Variants in RAB11FIP1 observed in about 807,000 individuals in gnomAD.
The protein encoded by RAB11FIP1 is rab11 family-interacting protein 1.
Under a neutral mutation model 83.1 loss-of-function variants are expected in RAB11FIP1, and 49 were observed. That is an observed-to-expected ratio of 0.59 (90% confidence interval 0.47 to 0.75). The LOEUF is 0.75. Ranked by LOEUF, RAB11FIP1 falls within the 30% of genes least tolerant of loss-of-function variation. The pLI is 0.00. For missense variants in RAB11FIP1, 1,536 were observed against 1,598.7 expected, an observed-to-expected ratio of 0.96 and a Z score of 0.67; for synonymous variants, 670 against 656.0, an observed-to-expected ratio of 1.02 and a Z score of -0.33.
At chr8:37,878,662 T>TA (rs1806671430) in intron 1 of RAB11FIP1, among the ~76,000 whole-genome samples, 1 of 119,892 alleles carries the variant, frequency 8.3e-6, no homozygotes, top group Non-Finnish European at 1.7e-5. Flanking sequence ...TGCCAGGGAG[T>TA]AAAAAAATAA....
chr8:37,894,725 T>TATATATACATATATATATAC (rs1807026794), intron 1 of RAB11FIP1, among the ~76,000 whole-genome samples: 1 of 143,542 alleles, frequency 7.0e-6, no homozygotes, highest in Non-Finnish European at 1.5e-5. Flanking sequence ...TATATATACA[T>TATATATACATATATATATAC]ATATATATAT....
Position 37,874,788 on chromosome 8 carries a change from C to T in RAB11FIP1, c.1349G>A (p.Ser450Asn), listed in dbSNP as rs2130152336. The T allele has an allele frequency of 6.2e-7, 1 of 1,614,190 alleles. No individual in the cohort carries two copies. The highest frequency in any genetic ancestry group is 2.2e-5 in the East Asian group (1 of 44,886). The change falls in exon 3 of 6, where the codon AGT becomes AAT. Residue 450 changes from serine (S) to asparagine (N), a missense_variant. Transcript: ENST00000330843. ...GACCGTGAGAGGGTTTTCACCTTCA[C>T]TGCCCTTAGCCACATCCTTCTTCCC... ...MTGKKDVAKG[S>N]EGENPLTVPG...
chr8:37,864,106 G>T (rs895407745), intron 5 of RAB11FIP1, among the ~76,000 whole-genome samples: 2 of 152,224 alleles, frequency 1.3e-5, no homozygotes, highest in Non-Finnish European at 1.5e-5. Context: ...TGCGGAGTCA[G>T]AGCCAGGTGC....
chr8:37,879,144 C>T (rs1051776880), intron 1 of RAB11FIP1, among the ~76,000 whole-genome samples: 2 of 151,994 alleles, frequency 1.3e-5, no homozygotes, highest in African/African-American at 4.8e-5. Flanking sequence ...CCCGTCTCTA[C>T]TAAAAATACA....
In RAB11FIP1 at chr8:37,862,795, C is replaced by T. The variant is rs1412989176; in HGVS notation, c.*100G>A. 8.2e-6 allele frequency: 7 copies of T among 855,396 alleles called. No individual in the cohort carries two copies. The highest frequency in any genetic ancestry group is 4.8e-5 in the South Asian group (3 of 61,894). 53.0% of individuals were successfully genotyped at this position (855,396 alleles called of 1,614,324 possible). A position where few individuals can be genotyped will look rare whatever the true frequency, so the allele number is the denominator to read the frequency against. On this transcript the variant is annotated 3_prime_UTR_variant, in exon 6 of 6. Transcript: ENST00000330843. ...ATAACATGTGAGGGAGATGGTGATTCGGAGCCTGCTGGCTGGTTATCAGGC... is the reference window on the plus strand; with the variant it reads ...ATAACATGTGAGGGAGATGGTGATTTGGAGCCTGCTGGCTGGTTATCAGGC...
intron 5 of RAB11FIP1, among the ~76,000 whole-genome samples, chr8:37,869,832 G>T (rs1186374090): frequency 6.6e-6 from 1 of 152,150 alleles, no homozygotes; most frequent in African/African-American, 2.4e-5. Flanking sequence ...AGAACTGGGA[G>T]GAAGGGTTTG....
chr8:37,871,821 A>G lies in RAB11FIP1; in HGVS notation c.2981T>C (p.Leu994Pro), dbSNP rs1157049676. 1.2e-6 allele frequency: 2 copies of G among 1,614,174 alleles called. No individual in the cohort carries two copies. The highest frequency in any genetic ancestry group is 1.7e-6 in the Non-Finnish European group (2 of 1,180,022). Residue 994 changes from leucine to proline, a missense_variant, in exon 4 of 6, where the codon CTG becomes CCG. Transcript: ENST00000330843. ...DDGETAKSST[L>P]DIGALSLGLV... is the part of the protein sequence containing the mutation. Reference sequence around the variant, plus strand: ...GCCCAAGGACAAAGCTCCTATGTCCAGAGTTGACGACTTTGCTGTCTCTCC... The same window carrying G: ...GCCCAAGGACAAAGCTCCTATGTCCGGAGTTGACGACTTTGCTGTCTCTCC...
chr8:37,874,687 C>T lies in RAB11FIP1; in HGVS notation c.1450G>A (p.Val484Met), dbSNP rs1342195490. The change falls in exon 3 of 6, where the codon GTG (valine) becomes ATG (methionine). Residue 484 changes from valine to methionine, a missense_variant. Transcript: ENST00000330843. Reference protein sequence around the residue: ...EDASGPAEDLVRRSEKDTAAV... With the variant: ...EDASGPAEDLMRRSEKDTAAV... The stretch of plus-strand genomic sequence containing the variant: ...GCAGTATCTTTCTCAGATCTTCTCA[C>T]AAGGTCTTCAGCAGGCCCCGATGCG... 1 of 1,614,212 alleles carries T rather than the reference C, an allele frequency of 6.2e-7. No homozygotes were observed. The highest frequency in any genetic ancestry group is 8.5e-7 in the Non-Finnish European group (1 of 1,180,050).
Position 37,871,406 on chromosome 8 carries a change from TG to T in RAB11FIP1, c.3395del (p.Ala1132GlufsTer48), listed in dbSNP as rs1806456284. ...STAESQKKAT[A>X]EGSAGRVENF... ...TTTCAACTCTACCAGCGGAGCCCTC[TG>T]CTGTGGCTTTTTTTTGAGATTCTGC... On this transcript the variant is annotated frameshift_variant, in exon 4 of 6. Transcript: ENST00000330843. LOFTEE classifies it high-confidence loss of function. The T allele has an allele frequency of 6.2e-7, 1 of 1,614,106 alleles. No homozygotes were observed. Among genetic ancestry groups the T allele is most frequent in the South Asian group, 1.1e-5 (1 of 91,094 alleles).
chr8:37,895,239 ATATATATATATATATATATATTTTT>A (rs1807046122), intron 1 of RAB11FIP1, among the ~76,000 whole-genome samples: 1 of 7,362 alleles, frequency 1.4e-4, no homozygotes, highest in Non-Finnish European at 2.6e-4. Context: ...ATATATATAT[ATATATATATATATATATATATTTTT>A]TTTTTTTTTT....
chr8:37,890,566 C>T (rs1236379668), intron 1 of RAB11FIP1, among the ~76,000 whole-genome samples: 2 of 152,146 alleles, frequency 1.3e-5, no homozygotes, highest in African/African-American at 4.8e-5. Flanking sequence ...AGAGGAATTT[C>T]TGTCTCATTA....
At chr8:37,897,333 G>A (rs772656656) in intron 1 of RAB11FIP1, among the ~76,000 whole-genome samples, 1 of 151,520 alleles carries the variant, frequency 6.6e-6, no homozygotes, top group Non-Finnish European at 1.5e-5. Flanking sequence ...GTCTCCCACA[G>A]AAGGGAAAGT....
chr8:37,875,906 G>T (rs935118052), intron 2 of RAB11FIP1, among the ~76,000 whole-genome samples: 4 of 152,116 alleles, frequency 2.6e-5, no homozygotes, highest in African/African-American at 9.7e-5. Flanking sequence ...CTCTGGAAAA[G>T]GAATTTATAC....
chr8:37,894,711 C>CAT (rs1008699497), intron 1 of RAB11FIP1, among the ~76,000 whole-genome samples: 13 of 145,060 alleles, frequency 9.0e-5, no homozygotes, highest in East Asian at 7.8e-4. Context: ...CATATATATA[C>CAT]ATATATATAT....
At chr8:37,894,699 TACATATATATACATATATATATAC>T (rs1477263949) in intron 1 of RAB11FIP1, among the ~76,000 whole-genome samples, 1 of 145,416 alleles carries the variant, frequency 6.9e-6, no homozygotes, top group African/African-American at 2.6e-5. Flanking sequence ...TATACATAAA[TACATATATATACATATATATATAC>T]ATATATATAT....
intron 4 of RAB11FIP1, chr8:37,870,734 A>G (rs539420430): frequency 2.0e-6 from 1 of 499,972 alleles, no homozygotes; most frequent in East Asian, 3.2e-5. Context: ...AAGCCAGGAA[A>G]GCATGTCCTT....
At chr8:37,890,211 C>T (rs774287454) in intron 1 of RAB11FIP1, among the ~76,000 whole-genome samples, 9 of 152,316 alleles carry the variant, frequency 5.9e-5, no homozygotes, top group South Asian at 4.1e-4. Flanking sequence ...GGGCCCCAGT[C>T]GACTGCTACT....
In RAB11FIP1 at chr8:37,899,486, G is replaced by A; in HGVS notation, c.-45C>T. Reference sequence around the variant, plus strand: ...AAGCGAGGAGAAGATCGCCGCGACTGGCGGCCTCCACGGCCCGCCCCGGCG... The same window carrying A: ...AAGCGAGGAGAAGATCGCCGCGACTAGCGGCCTCCACGGCCCGCCCCGGCG... On this transcript the variant is annotated 5_prime_UTR_variant, in exon 1 of 6. Transcript: ENST00000330843. The surrounding 1 kb of genome is among the most constrained non-coding windows in gnomAD (Gnocchi z 4.5). 2 of 1,484,380 alleles carry A rather than the reference G, an allele frequency of 1.3e-6. No homozygotes were observed. The highest frequency in any genetic ancestry group is 1.8e-6 in the Non-Finnish European group (2 of 1,121,552). The allele number at this position is 1,484,380 out of a possible 1,614,324, so 92.0% of individuals were successfully genotyped here.
In RAB11FIP1 at chr8:37,874,542, G is replaced by C. The variant is rs767096845; in HGVS notation, c.1595C>G (p.Ala532Gly). The change falls in exon 3 of 6, where the codon GCT (alanine) becomes GGT (glycine). Residue 532 changes from alanine (A) to glycine (G), a missense_variant. Transcript: ENST00000330843. ...EPRPPISSPR[A>G]PQTRAVKPRL... is the part of the protein sequence containing the mutation. ...GGGCTTGACAGCTCTGGTCTGGGGAGCCCTCGGAGAGGAAATTGGAGGTCT... is the reference window on the plus strand; with the variant it reads ...GGGCTTGACAGCTCTGGTCTGGGGACCCCTCGGAGAGGAAATTGGAGGTCT... The C allele has an allele frequency of 1.9e-6, 3 of 1,614,058 alleles. No homozygotes were observed. The highest frequency in any genetic ancestry group is 2.5e-6 in the Non-Finnish European group (3 of 1,180,008).
Sources: gnomAD v4.1 joint callset for allele counts (sites outside exome capture counted in the v4.1 genomes callset) on GRCh38, gnomAD v4.1.1 for gene constraint, Gnocchi (gnomAD v3.1) non-coding constraint, MANE v1.5 for transcripts, NCBI Gene and HGNC (gene_info 2026-07-23, HGNC 2026-07-21) for gene names.